Variants in CRADD observed in about 807,000 individuals in gnomAD.
CRADD encodes CARD and death domain containing adaptor protein.
Under a neutral mutation model 15.5 loss-of-function variants are expected in CRADD, and 9 were observed. The ratio of observed to expected loss-of-function variants is 0.58; its 90% confidence interval spans 0.35 to 1.01. CRADD has a LOEUF of 1.01. Ranked by LOEUF, CRADD falls within the 50% of genes least tolerant of loss-of-function variation. CRADD has a pLI of 0.02. For missense variants in CRADD, 227 were observed against 250.3 expected (o/e 0.91, Z 0.63); for synonymous variants, 118 against 107.6 (o/e 1.10, Z -0.60).
At chr12:93,819,459 A>G (rs916603724) in intron 2 of CRADD, among the ~76,000 whole-genome samples, 7 of 152,370 alleles carry the variant, frequency 4.6e-5, no homozygotes, top group Admixed American at 6.5e-5. Flanking sequence ...GGTTAAAGGC[A>G]TGACTCAGAA....
intron 2 of CRADD, among the ~76,000 whole-genome samples, chr12:93,825,031 A>T (rs571389965): frequency 1.8e-4 from 28 of 152,348 alleles, no homozygotes; most frequent in Non-Finnish European, 3.2e-4. Flanking sequence ...TTGTTAAAGT[A>T]CATCTAACCC....
intron 2 of CRADD, among the ~76,000 whole-genome samples, chr12:93,871,351 G>T (rs1958417760): frequency 6.6e-6 from 1 of 152,058 alleles, no homozygotes; most frequent in South Asian, 2.1e-4. Context: ...GTAGGTATAG[G>T]TATATAGGTA....
At chr12:93,802,573 A>C (rs1048914629) in intron 2 of CRADD, among the ~76,000 whole-genome samples, 10 of 152,186 alleles carry the variant, frequency 6.6e-5, no homozygotes, top group Admixed American at 2.0e-4. Flanking sequence ...CATCTAGTGC[A>C]AGCTCAAGAG....
intron 2 of CRADD, among the ~76,000 whole-genome samples, chr12:93,886,080 G>C (rs901525093): frequency 2.0e-5 from 3 of 151,742 alleles, no homozygotes; most frequent in African/African-American, 7.3e-5. Flanking sequence ...CCCAGGTGCT[G>C]GGCAAAGGTA....
intron 2 of CRADD, among the ~76,000 whole-genome samples, chr12:93,711,055 C>CCCTTTTTTTT: frequency 9.2e-5 from 4 of 43,508 alleles, no homozygotes; most frequent in East Asian, 1.0e-3. Flanking sequence ...CCACCCCCGC[C>CCCTTTTTTTT]TTTTTTTTTT....
intron 2 of CRADD, among the ~76,000 whole-genome samples, chr12:93,728,120 G>A (rs1383080915): frequency 6.6e-6 from 1 of 152,166 alleles, no homozygotes; most frequent in Non-Finnish European, 1.5e-5. Flanking sequence ...TTCAATACAT[G>A]TTTGTTAAAT....
chr12:93,796,738 C>T (rs1374339313), intron 2 of CRADD, among the ~76,000 whole-genome samples: 1 of 152,060 alleles, frequency 6.6e-6, no homozygotes, highest in South Asian at 2.1e-4. Context: ...GAGTTTTTAC[C>T]TGAAACCCCT....
rs1444257644 is a variant in CRADD, at chr12:93,863,596, T to TTTGTG, written c.299-30453_299-30452insTGTGT. Among the ~76,000 whole-genome samples, 667 of 124,850 alleles carry TTTGTG rather than the reference T, an allele frequency of 5.3e-3. 3 individuals are homozygous for TTTGTG. The highest frequency in any genetic ancestry group is 0.011 in the Admixed American group (136 of 12,286). 81.9% of individuals were successfully genotyped at this position (124,850 alleles called of 152,430 possible). On this transcript the variant is annotated intron_variant, in intron 2 of 2. Transcript: ENST00000548483. ...GGCCTTTGAAAATGTGTGGAGGCAT[T>TTTGTG]TGTGTGTGTGTGTGTGTGTGTGTGT...
At chr12:93,884,058 C>T (rs1386751201) in intron 2 of CRADD, among the ~76,000 whole-genome samples, 1 of 152,078 alleles carries the variant, frequency 6.6e-6, no homozygotes, top group Non-Finnish European at 1.5e-5. Context: ...TTTTTGATCA[C>T]ACAGATCAAC....
chr12:93,754,549 C>G (rs1359509188), intron 2 of CRADD, among the ~76,000 whole-genome samples: 1 of 152,190 alleles, frequency 6.6e-6, no homozygotes, highest in Admixed American at 6.5e-5. Flanking sequence ...AATCATCTCT[C>G]TCAAGTTCAA....
intron 2 of CRADD, chr12:93,714,739 T>C (rs1374810182): frequency 1.3e-5 from 2 of 152,226 alleles, no homozygotes; most frequent in Non-Finnish European, 2.9e-5. Flanking sequence ...CGGAAGTTGC[T>C]CAGCCCCTAC....
At chr12:93,755,713 GT>G (rs1215798572) in intron 2 of CRADD, among the ~76,000 whole-genome samples, 17 of 152,204 alleles carry the variant, frequency 1.1e-4, no homozygotes, top group African/African-American at 4.1e-4. Flanking sequence ...ACATACTGTA[GT>G]TTCTTCAGGT....
intron 2 of CRADD, among the ~76,000 whole-genome samples, chr12:93,881,591 G>A (rs1958502959): frequency 6.6e-6 from 1 of 152,158 alleles, no homozygotes; most frequent in Admixed American, 6.5e-5. Context: ...CTCCACATAT[G>A]CAGTTACAAG....
At chr12:93,855,600 AAAT>A (rs148069757), downstream of CRADD, among the ~76,000 whole-genome samples, 18 of 152,272 alleles carry the variant, frequency 1.2e-4, no homozygotes, top group East Asian at 3.3e-3. Flanking sequence ...GAGGTATGGG[AAAT>A]AATAACACTG....
rs1224691199 is a variant in CRADD, at chr12:93,734,424, CATT to C, written c.298+55356_298+55358del. Reference sequence around the variant, plus strand: ...GGATAATAATGCTATGAATAAAACCCATTATTTTTTATTTAGAACTCTTTTATC... The same window carrying C: ...GGATAATAATGCTATGAATAAAACCCATTTTTTATTTAGAACTCTTTTATC... On this transcript the variant is annotated intron_variant, in intron 2 of 2. Coordinates refer to ENST00000332896, the MANE Select transcript of CRADD (RefSeq NM_003805.5). Among the ~76,000 whole-genome samples, 2 of 152,078 alleles carry C rather than the reference CATT, an allele frequency of 1.3e-5. 1 individual carries two copies. The highest frequency in any genetic ancestry group is 1.3e-4 in the Admixed American group (2 of 15,270).
intron 2 of CRADD, among the ~76,000 whole-genome samples, chr12:93,834,498 T>C (rs1410062372): frequency 1.3e-5 from 2 of 152,220 alleles, no homozygotes; most frequent in African/African-American, 4.8e-5. Context: ...TTGGTTTTTT[T>C]CTTTTTTGAG....
chr12:93,794,229 A>G (rs1380558521), intron 2 of CRADD, among the ~76,000 whole-genome samples: 3 of 151,338 alleles, frequency 2.0e-5, no homozygotes, highest in African/African-American at 7.3e-5. Flanking sequence ...GTTTCTCTGT[A>G]CTCTTTCTGA....
intron 2 of CRADD, among the ~76,000 whole-genome samples, chr12:93,886,525 A>G (rs1958538746): frequency 6.6e-6 from 1 of 151,916 alleles, no homozygotes; most frequent in Admixed American, 6.6e-5. Flanking sequence ...TAGGCATTTC[A>G]CTTTCTCCTC....
chr12:93,752,845 C>T (rs915331350), intron 2 of CRADD, among the ~76,000 whole-genome samples: 1 of 152,146 alleles, frequency 6.6e-6, no homozygotes, highest in Non-Finnish European at 1.5e-5. Flanking sequence ...GTTTATTGGA[C>T]TTACAGTTTT....
Sources: gnomAD v4.1 joint callset for allele counts (sites outside exome capture counted in the v4.1 genomes callset) on GRCh38, gnomAD v4.1.1 for gene constraint, MANE v1.5 for transcripts, NCBI Gene and HGNC (gene_info 2026-07-23, HGNC 2026-07-21) for gene names.